Variants in LTN1 observed in about 807,000 individuals in gnomAD.
LTN1 encodes the protein E3 ubiquitin-protein ligase listerin.
Under a neutral mutation model 201.2 loss-of-function variants are expected in LTN1, and 88 were observed. The ratio of observed to expected loss-of-function variants is 0.44; its 90% CI spans 0.37 to 0.52. LTN1 has a LOEUF of 0.52. Ranked by LOEUF, LTN1 falls within the 20% of genes least tolerant of loss-of-function variation. The pLI is 0.00. For missense variants in LTN1, 1,752 were observed against 2,038.7 expected, an observed-to-expected ratio of 0.86 and a Z score of 2.71; for synonymous variants, 645 against 713.5, an observed-to-expected ratio of 0.90 and a Z score of 1.53.
At chr21:28,971,163 C>T (rs2084571188) in intron 7 of LTN1, 108 bp downstream of exon 7, 3 of 909,214 alleles carry the variant, frequency 3.3e-6, no homozygotes, top group South Asian at 4.3e-5. Context: ...AGATTTATGC[C>T]AAGTTTAGAT....
chr21:28,939,655 T>C (rs962355577), intron 25 of LTN1, among the ~76,000 whole-genome samples: 1 of 152,196 alleles, frequency 6.6e-6, no homozygotes, highest in African/African-American at 2.4e-5. Flanking sequence ...TGCCGTATAA[T>C]TTTGCACCCT....
chr21:28,962,012 T>TCAAAA (rs966113035), intron 11 of LTN1, among the ~76,000 whole-genome samples: 1 of 147,154 alleles, frequency 6.8e-6, no homozygotes, highest in Admixed American at 7.0e-5. Context: ...AGCCTCTGTC[T>TCAAAA]CAAAAAAAAA....
intron 27 of LTN1, among the ~76,000 whole-genome samples, chr21:28,934,013 C>G (rs550087109): frequency 1.3e-5 from 2 of 152,166 alleles, no homozygotes; most frequent in African/African-American, 4.8e-5. Flanking sequence ...CTTCATTTTC[C>G]CCATAACAAA....
rs1284507027 is a variant in LTN1 at position 28,988,161 on chromosome 21, A to AAAC, written c.43-1228_43-1227insGTT. ...TGTCTCAAAAAAAAAAAAAAACAACAAAAAAAAACAAATTGCTCATACCGG... is the reference window on the plus strand; with the variant it reads ...TGTCTCAAAAAAAAAAAAAAACAACAAACAAAAAAAACAAATTGCTCATACCGG... On this transcript the variant is annotated intron_variant, in intron 1 of 29. Transcript: ENST00000361371. Among the ~76,000 whole-genome samples, 17 of 98,998 alleles carry AAAC rather than the reference A, an allele frequency of 1.7e-4. 1 individual carries two copies. Among genetic ancestry groups the AAAC allele is most frequent in the African/African-American group, 6.0e-4 (16 of 26,802 alleles). The allele number at this position is 98,998 out of a possible 152,430, so 64.9% of individuals were successfully genotyped here.
chr21:28,935,681 A>G (rs969999775), intron 26 of LTN1, among the ~76,000 whole-genome samples: 9 of 152,220 alleles, frequency 5.9e-5, no homozygotes, highest in African/African-American at 2.2e-4. Context: ...TCTACTAAAA[A>G]TACAAAAAAT....
rs202224853 is a variant in LTN1, at chr21:28,943,259, T to C, written c.4295+3A>G. 2.5e-6 allele frequency: 4 copies of C among 1,582,702 alleles called. No homozygotes were observed. The highest frequency in any genetic ancestry group is 3.5e-6 in the Non-Finnish European group (4 of 1,155,646). ...TAAAACAAATTATTTAAAAAAACCT[T>C]ACAAGGCTGGCTCTTCTTCTTCATC... On this transcript the variant is annotated splice_donor_region_variant and intron_variant, in intron 24 of 29. Transcript: ENST00000361371.
intron 18 of LTN1, among the ~76,000 whole-genome samples, chr21:28,950,012 T>C (rs55962929): frequency 6.6e-6 from 1 of 152,166 alleles, no homozygotes. Context: ...TTCAATAATA[T>C]ATGTTATATT....
rs2084699351 is a variant in LTN1 at position 28,986,450 on chromosome 21, A to T, written c.247-213T>A. ...AAAAATAAAACATCTACAAACAAAA[A>T]AACCTCATTTAAAGTTACAAGGTCA... On this transcript the variant is annotated intron_variant, in intron 2 of 29. Coordinates refer to ENST00000361371, the MANE Select transcript of LTN1 (RefSeq NM_015565.3). The surrounding 1 kb of genome is among the most constrained non-coding windows in gnomAD (Gnocchi z 4.1). 1 of 680,904 alleles carries T rather than the reference A, an allele frequency of 1.5e-6. No homozygotes were observed. The highest frequency in any genetic ancestry group is 2.6e-6 in the Non-Finnish European group (1 of 378,338). 42.2% of individuals were successfully genotyped at this position (680,904 alleles called of 1,614,324 possible).
chr21:28,959,467 G>T lies in LTN1; in HGVS notation c.2584C>A (p.His862Asn). The change falls in exon 13 of 30, where the codon CAT becomes AAT. Residue 862 changes from histidine to asparagine, a missense_variant. Transcript: ENST00000361371. ...AGCAGTAGGCTATTACCTGGCAAAT[G>T]TGTTTTTTCTTTGCTCTGAGCACAT... ...QLCAQSKEKTHLPDFLICKLK... is the reference protein window; with the variant it reads ...QLCAQSKEKTNLPDFLICKLK... 6.2e-7 allele frequency: 1 copy of T among 1,612,612 alleles called. No homozygotes were observed. Among genetic ancestry groups the T allele is most frequent in the Non-Finnish European group, 8.5e-7 (1 of 1,179,094 alleles).
At position 28,941,374 on chromosome 21, in the gene LTN1, C is replaced by T. The variant is rs142710426; in HGVS notation, c.4328G>A (p.Ser1443Asn). Residue 1443 changes from serine to asparagine, a missense_variant, in exon 25 of 30, where the codon AGC becomes AAC. Physicochemically the swap from Ser to Asn is conservative, Grantham distance 46. This residue lies in a region of LTN1 where 1,211 missense variants were observed against 1,312.8 expected (regional missense o/e 0.92). Transcript: ENST00000361371. ...SPPAALMSLLSIQEDLLENVL... is the reference protein window; with the variant it reads ...SPPAALMSLLNIQEDLLENVL... ...ATTTTCTAGTAAGTCCTCTTGAATG[C>T]TAAGAAGAGACATCAGTGCTGCTGG... The T allele has an allele frequency of 8.7e-6, 14 of 1,612,838 alleles. No homozygotes were observed. The highest frequency in any genetic ancestry group is 1.7e-5 in the Admixed American group (1 of 59,628).
chr21:28,977,191 C>G (rs1281639332), intron 6 of LTN1, among the ~76,000 whole-genome samples: 1 of 151,736 alleles, frequency 6.6e-6, no homozygotes, highest in South Asian at 2.1e-4. Context: ...CTGGCCAACA[C>G]GGCAAAACCC....
chr21:28,940,747 A>G (rs926294691), intron 25 of LTN1, among the ~76,000 whole-genome samples: 6 of 152,202 alleles, frequency 3.9e-5, no homozygotes, highest in Non-Finnish European at 8.8e-5. Flanking sequence ...AAGGTAAGGT[A>G]TAAGGGACAG....
At chr21:28,941,786 G>A (rs965020461) in intron 24 of LTN1, among the ~76,000 whole-genome samples, 2 of 152,108 alleles carry the variant, frequency 1.3e-5, no homozygotes, top group African/African-American at 4.8e-5. Flanking sequence ...TTAAGACTTC[G>A]AACTTTGTCA....
intron 16 of LTN1, among the ~76,000 whole-genome samples, 157 bp from the exon 17 acceptor site, chr21:28,953,533 A>G (rs1312685695): frequency 6.6e-6 from 1 of 152,238 alleles, no homozygotes; most frequent in African/African-American, 2.4e-5. Flanking sequence ...ATGTTCAAGG[A>G]CAATGAAAAC....
intron 11 of LTN1, among the ~76,000 whole-genome samples, chr21:28,965,334 C>T (rs1221242201): frequency 6.6e-6 from 1 of 152,034 alleles, no homozygotes; most frequent in Non-Finnish European, 1.5e-5. Flanking sequence ...ATACTTAAGC[C>T]GTTTTGAAAA....
At position 28,967,035 on chromosome 21, in the gene LTN1, C is replaced by T. The variant is rs773431339; in HGVS notation, c.1456G>A (p.Val486Ile). Reference protein sequence around the residue: ...DEKTAHNLENVLIHFWERLSE... With the variant: ...DEKTAHNLENILIHFWERLSE... The stretch of plus-strand genomic sequence containing the variant: ...AGTCTTTCCCAGAAATGTATCAGTA[C>T]GTTCTCCAAGTTGTGAGCTGTTTTT... The change falls in exon 10 of 30, where the codon GTA (valine) becomes ATA (isoleucine). Residue 486 changes from valine (V) to isoleucine (I), a missense_variant. By Grantham distance (29) the Val-to-Ile change is conservative (BLOSUM62 3). This residue lies in a region of LTN1 where 1,211 missense variants were observed against 1,312.8 expected (regional missense o/e 0.92). Coordinates refer to ENST00000361371, the MANE Select transcript of LTN1 (RefSeq NM_015565.3). 14 of 1,613,978 alleles carry T rather than the reference C, an allele frequency of 8.7e-6. No individual in the cohort carries two copies. The highest frequency in any genetic ancestry group is 1.6e-4 in the Middle Eastern group (1 of 6,084).
Position 28,961,960 on chromosome 21 carries a change from G to A in LTN1, c.2164-1254C>T, listed in dbSNP as rs553260191. On this transcript the variant is annotated intron_variant, in intron 11 of 29. Coordinates refer to ENST00000361371, the MANE Select transcript of LTN1 (RefSeq NM_015565.3). ...CGGGAGGCAGAAGTTGCAGTGAGAC[G>A]AGATGTTGCAACTGCACTCCAGCCT... 7.2e-5 allele frequency among the ~76,000 whole-genome samples: 11 copies of A among 152,194 alleles called. 1 individual carries two copies. The highest frequency in any genetic ancestry group is 4.1e-4 in the South Asian group (2 of 4,830).
chr21:28,983,608 T>G (rs1476097121), intron 4 of LTN1, among the ~76,000 whole-genome samples: 1 of 152,166 alleles, frequency 6.6e-6, no homozygotes, highest in Non-Finnish European at 1.5e-5. Context: ...GACCAGATCA[T>G]GCAGAGCCTT....
At chr21:28,990,948 C>T (rs1458511675) in intron 1 of LTN1, among the ~76,000 whole-genome samples, 1 of 152,002 alleles carries the variant, frequency 6.6e-6, no homozygotes, top group Non-Finnish European at 1.5e-5. Context: ...TAAAAAAGTC[C>T]CAGCCTGGGC....
Sources: gnomAD v4.1 joint callset for allele counts (sites outside exome capture counted in the v4.1 genomes callset) on GRCh38, gnomAD v4.1.1 for gene constraint, gnomAD v4.1.1 regional missense constraint, Gnocchi (gnomAD v3.1) non-coding constraint, MANE v1.5 for transcripts, NCBI Gene and HGNC (gene_info 2026-07-23, HGNC 2026-07-21) for gene names.